Variants in PLXNA2 observed in about 807,000 individuals in gnomAD.
The protein encoded by PLXNA2 is plexin A2, also known as plexin-A2.
Under a neutral mutation model 193.5 loss-of-function variants are expected in PLXNA2, and 91 were observed. That is an observed-to-expected ratio of 0.47 (90% CI 0.40 to 0.56). The LOEUF is 0.56. Ranked by LOEUF, PLXNA2 falls within the 20% of genes least tolerant of loss-of-function variation. The probability of loss-of-function intolerance (pLI) is 0.00; values close to 1 mark genes in which losing one functional copy is unlikely to be tolerated. For missense variants in PLXNA2, 1,995 were observed against 2,503.2 expected (o/e 0.80, Z 4.33); for synonymous variants, 997 against 1,027.3 (o/e 0.97, Z 0.56).
intron 3 of PLXNA2, among the ~76,000 whole-genome samples, chr1:208,197,554 G>A (rs765023933): frequency 5.9e-5 from 9 of 152,218 alleles, no homozygotes; most frequent in Non-Finnish European, 1.2e-4. Flanking sequence ...GGGGACCCTT[G>A]GAATCAGTTG....
At position 208,064,340 on chromosome 1, in the gene PLXNA2, T is replaced by G. The variant is rs112891161; in HGVS notation, c.2587-3503A>C. Reference sequence around the variant, plus strand: ...TACTAGTCACTTGCTCTAAAAACCTTCCATGGCTCTGACCATTGCCAAGGC... The same window carrying G: ...TACTAGTCACTTGCTCTAAAAACCTGCCATGGCTCTGACCATTGCCAAGGC... On this transcript the variant is annotated intron_variant, in intron 12 of 31. Transcript: ENST00000367033. Among the ~76,000 whole-genome samples, 1,283 of 152,346 alleles carry G rather than the reference T, an allele frequency of 8.4e-3. 22 individuals carry two copies. Among genetic ancestry groups the G allele is most frequent in the African/African-American group, 0.029 (1,193 of 41,582 alleles).
chr1:208,228,087 TC>T (rs1172751300), intron 1 of PLXNA2, among the ~76,000 whole-genome samples: 1 of 152,140 alleles, frequency 6.6e-6, no homozygotes, highest in East Asian at 1.9e-4. Flanking sequence ...CCACTTACTC[TC>T]CTTTGAAGCT....
intron 29 of PLXNA2, chr1:208,029,903 C>G (rs984309110): frequency 1.0e-6 from 1 of 985,468 alleles, no homozygotes. Context: ...TGGGCTTTAA[C>G]TCTTTTGACT....
At chr1:208,210,114 A>G in intron 3 of PLXNA2, 166 bp downstream of exon 3, 1 of 674,500 alleles carries the variant, frequency 1.5e-6, no homozygotes, top group Non-Finnish European at 2.7e-6. Context: ...AAGTAGCTAG[A>G]AGCTAAGTCA....
At chr1:208,147,768 A>C (rs1205393541) in intron 3 of PLXNA2, among the ~76,000 whole-genome samples, 1 of 152,230 alleles carries the variant, frequency 6.6e-6, no homozygotes, top group Non-Finnish European at 1.5e-5. Context: ...GGGCAAACAT[A>C]GCTGCCCTTG....
intron 4 of PLXNA2, among the ~76,000 whole-genome samples, chr1:208,111,153 G>A (rs191933265): frequency 2.8e-4 from 43 of 152,212 alleles, no homozygotes; most frequent in Middle Eastern, 3.4e-3. Context: ...CGGGCTCAAC[G>A]GATTCTCTTG....
intron 12 of PLXNA2, among the ~76,000 whole-genome samples, chr1:208,074,081 T>C (rs940361558): frequency 2.6e-5 from 4 of 152,242 alleles, no homozygotes; most frequent in South Asian, 2.1e-4. Flanking sequence ...ACCTCTGTTA[T>C]GTGAGCTCCA....
At chr1:208,201,778 A>G (rs759307438) in intron 3 of PLXNA2, among the ~76,000 whole-genome samples, 1 of 152,190 alleles carries the variant, frequency 6.6e-6, no homozygotes, top group African/African-American at 2.4e-5. Flanking sequence ...TCACAAGTTA[A>G]GTCACAATTG....
intron 4 of PLXNA2, among the ~76,000 whole-genome samples, chr1:208,112,780 A>T (rs1667522517): frequency 6.6e-6 from 1 of 152,158 alleles, no homozygotes; most frequent in South Asian, 2.1e-4. Flanking sequence ...AGTGTGCTGA[A>T]ACTCAGGATC....
chr1:208,154,922 G>A (rs1184073020), intron 3 of PLXNA2, among the ~76,000 whole-genome samples: 1 of 152,234 alleles, frequency 6.6e-6, no homozygotes, highest in Non-Finnish European at 1.5e-5. Flanking sequence ...TGGGAAACTG[G>A]AAAGGAAAGC....
In PLXNA2 at chr1:208,217,373, T is replaced by C. The variant is rs1013247512; in HGVS notation, c.550A>G (p.Ile184Val). The C allele has an allele frequency of 8.1e-6, 13 of 1,614,060 alleles. No individual in the cohort carries two copies. The highest frequency in any genetic ancestry group is 1.1e-5 in the Non-Finnish European group (13 of 1,180,040). Residue 184 changes from isoleucine to valine, a missense_variant, in exon 2 of 32, where the codon ATC becomes GTC. Coordinates refer to ENST00000367033, the MANE Select transcript of PLXNA2 (RefSeq NM_025179.4). The surrounding 1 kb of genome is among the most constrained non-coding windows in gnomAD (Gnocchi z 4.7). ...TGCTTCCCATCCACAGCCGTGCCGA[T>C]GAAGAGCTTGCCATCCTCACCCTCA... ...RSEGEDGKLF[I>V]GTAVDGKQDY...
At chr1:208,114,817 G>C (rs1021393809) in intron 4 of PLXNA2, among the ~76,000 whole-genome samples, 1 of 152,142 alleles carries the variant, frequency 6.6e-6, no homozygotes, top group Non-Finnish European at 1.5e-5. Flanking sequence ...TGAGTGAGTA[G>C]ATGAGTGTGT....
intron 1 of PLXNA2, among the ~76,000 whole-genome samples, chr1:208,229,436 G>A (rs1056582844): frequency 5.3e-5 from 8 of 152,150 alleles, no homozygotes; most frequent in Non-Finnish European, 1.0e-4. Flanking sequence ...CAAGAGCAGC[G>A]CGAGGGGGTG....
At chr1:208,116,728 G>A (rs557177963) in intron 4 of PLXNA2, among the ~76,000 whole-genome samples, 2 of 152,242 alleles carry the variant, frequency 1.3e-5, no homozygotes, top group East Asian at 1.9e-4. Context: ...TAAAATTAAG[G>A]CATCCACGAA....
At chr1:208,196,315 G>C (rs1354641008) in intron 3 of PLXNA2, among the ~76,000 whole-genome samples, 2 of 151,976 alleles carry the variant, frequency 1.3e-5, no homozygotes, top group Non-Finnish European at 2.9e-5. Flanking sequence ...CAAACACACT[G>C]TTTCCTAGGG....
At position 208,079,438 on chromosome 1, in the gene PLXNA2, T is replaced by C; in HGVS notation, c.2408A>G (p.Lys803Arg). The C allele has an allele frequency of 6.3e-7, 1 of 1,593,582 alleles. No homozygotes were observed. Among genetic ancestry groups the C allele is most frequent in the Non-Finnish European group, 8.6e-7 (1 of 1,167,620 alleles). Residue 803 changes from lysine (K) to arginine (R), a missense_variant, in exon 12 of 32, where the codon AAG becomes AGG. Around this residue, in one of 3 missense-constraint regions of PLXNA2, gnomAD observed 1,291 missense variants for 1,673.6 expected, o/e 0.77. Coordinates refer to ENST00000367033, the MANE Select transcript of PLXNA2 (RefSeq NM_025179.4). ...GCAGCTCTCCCGCTGGGCTGCACAC[T>C]TGTAGAGATGGACTGCAAAGAGAGC... The part of the protein sequence containing the change: ...NPQDLKVHLY[K>R]CAAQRESCGL...
At chr1:208,037,379 T>C (rs1207650649) in intron 26 of PLXNA2, among the ~76,000 whole-genome samples, 1 of 152,190 alleles carries the variant, frequency 6.6e-6, no homozygotes, top group African/African-American at 2.4e-5. Flanking sequence ...CAGCTTCCTC[T>C]GTGCCCATGG....
At chr1:208,066,901 A>G (rs1448212705) in intron 12 of PLXNA2, among the ~76,000 whole-genome samples, 1 of 152,250 alleles carries the variant, frequency 6.6e-6, no homozygotes, top group East Asian at 1.9e-4. Context: ...TAAAAAGTAA[A>G]AAAGTGAATT....
intron 3 of PLXNA2, among the ~76,000 whole-genome samples, chr1:208,168,612 A>G (rs998326694): frequency 6.6e-6 from 1 of 152,050 alleles, no homozygotes; most frequent in Admixed American, 6.5e-5. Flanking sequence ...CTGGGATATA[A>G]ACTCAGGTGT....
Sources: allele counts gnomAD v4.1 joint callset (sites outside exome capture counted in the v4.1 genomes callset), GRCh38; gene constraint gnomAD v4.1.1; regional missense constraint gnomAD v4.1.1; non-coding constraint Gnocchi (gnomAD v3.1); transcripts MANE v1.5; gene names NCBI Gene and HGNC (gene_info 2026-07-23, HGNC 2026-07-21).